Variants in USP34 observed in about 807,000 individuals in gnomAD.
USP34 encodes ubiquitin carboxyl-terminal hydrolase 34.
A neutral mutation model predicts 460.3 loss-of-function variants in USP34; 70 were observed. The ratio of observed to expected loss-of-function variants is 0.15; its 90% CI spans 0.13 to 0.19. The LOEUF is 0.19. USP34 is among the 10% of genes least tolerant of loss of function. The pLI is 1.00. For missense variants in USP34, 3,985 were observed against 4,236.2 expected (o/e 0.94, Z 1.65); for synonymous variants, 1,647 against 1,405.3 (o/e 1.17, Z -3.85).
At chr2:61,465,045 TAAATGTTTTTA>T in intron 1 of USP34, among the ~76,000 whole-genome samples, 1 of 152,308 alleles carries the variant, frequency 6.6e-6, no homozygotes, top group African/African-American at 2.4e-5. Context: ...CCAAGCTTTT[TAAATGTTTTTA>T]AAATGAAGCA....
chr2:61,220,110 T>A lies in USP34; in HGVS notation c.8047+200A>T, dbSNP rs1480631686. ...TCAAGCAAGGAAACAAAAATGATAG[T>A]AGTGATGATGTTACCCAAGAAATAA... is the stretch of plus-strand genomic sequence containing the variant. On this transcript the variant is annotated intron_variant, in intron 67 of 79. Coordinates refer to ENST00000398571, the MANE Select transcript of USP34 (RefSeq NM_014709.4). The A allele has an allele frequency of 7.0e-6, 3 of 426,620 alleles. No homozygotes were observed. In the South Asian group the frequency reaches 1.4e-4, roughly 20 times the overall value. The allele number at this position is 426,620 out of a possible 1,614,324, so 26.4% of individuals were successfully genotyped here.
At position 61,333,654 on chromosome 2, in the gene USP34, G is replaced by A. The variant is rs547539732; in HGVS notation, c.2834+228C>T. ...TCTCCCTAAAATTAGAGTATTAATT[G>A]CTAAAGTACTGTTCTCAAACTCCAA... On this transcript the variant is annotated intron_variant, in intron 19 of 79. Coordinates refer to ENST00000398571, the MANE Select transcript of USP34 (RefSeq NM_014709.4). 1.4e-4 allele frequency among the ~76,000 whole-genome samples: 22 copies of A among 152,060 alleles called. No individual in the cohort carries two copies. The South Asian group carries it at 3.9e-3, about 27-fold the overall frequency.
intron 3 of USP34, among the ~76,000 whole-genome samples, chr2:61,404,663 G>A (rs542687931): frequency 6.6e-6 from 1 of 152,102 alleles, no homozygotes; most frequent in South Asian, 2.1e-4. Context: ...ACACAAGTGC[G>A]ACCCAGACCT....
intron 5 of USP34, among the ~76,000 whole-genome samples, chr2:61,383,604 G>A (rs111327730): frequency 6.6e-6 from 1 of 152,046 alleles, no homozygotes; most frequent in South Asian, 2.1e-4. Flanking sequence ...TTGAGAGGCT[G>A]AGGCAGGAGA....
In USP34 at chr2:61,293,524, C is replaced by T; in HGVS notation, c.4488G>A (p.Gln1496=). Residue 1496 remains glutamine (Q), a synonymous_variant, in exon 33 of 80, where the codon CAG becomes CAA. Coordinates refer to ENST00000398571, the MANE Select transcript of USP34 (RefSeq NM_014709.4). The part of the protein sequence containing the change: ...CKFVAAGGLQ[Q]LLEIFNSGIL... ...TTCCAGAATTAAAAATTTCTAATAA[C>T]TGTTGAAGCCCTCCAGCAGCAACAA... 2 of 1,612,704 alleles carry T rather than the reference C, an allele frequency of 1.2e-6. No homozygotes were observed. The highest frequency in any genetic ancestry group is 2.7e-5 in the African/African-American group (2 of 74,986).
At position 61,206,712 on chromosome 2, in the gene USP34, T is replaced by A. The variant is rs747893953; in HGVS notation, c.9046+48A>T. 3.8e-6 allele frequency: 6 copies of A among 1,597,698 alleles called. No individual in the cohort carries two copies. In the East Asian group the frequency reaches 1.1e-4, roughly 30 times the overall value. ...GCACATGATTTTAAAACCTTCTCTC[T>A]CTTTACTAGTAGCACGAACAAAACA... On this transcript the variant is annotated intron_variant, in intron 71 of 79. Coordinates refer to ENST00000398571, the MANE Select transcript of USP34 (RefSeq NM_014709.4).
intron 44 of USP34, 86 bp downstream of exon 44, chr2:61,259,625 A>G: frequency 8.1e-7 from 1 of 1,234,478 alleles, no homozygotes; most frequent in Non-Finnish European, 1.2e-6. Context: ...AACTCAAGCC[A>G]TCCACCCACC....
intron 48 of USP34, among the ~76,000 whole-genome samples, chr2:61,254,391 A>C (rs560754443): frequency 2.6e-5 from 4 of 152,330 alleles, no homozygotes; most frequent in Non-Finnish European, 5.9e-5. Flanking sequence ...CACACAGATA[A>C]ACCTAAAACT....
At position 61,229,729 on chromosome 2, in the gene USP34, T is replaced by A. The variant is rs956989760; in HGVS notation, c.7114-96A>T. 4 of 1,043,748 alleles carry A rather than the reference T, an allele frequency of 3.8e-6. No individual in the cohort carries two copies. The African/African-American group carries it at 4.8e-5, about 13-fold the overall frequency. The allele number at this position is 1,043,748 out of a possible 1,614,324, so 64.7% of individuals were successfully genotyped here. On this transcript the variant is annotated intron_variant, in intron 58 of 79. Coordinates refer to ENST00000398571, the MANE Select transcript of USP34 (RefSeq NM_014709.4). ...TTCAAAATTCTCTGCCACCCATTTA[T>A]AGTTTGCACAAGATTATCTTGGTAT...
chr2:61,223,420 T>C (rs1209177671), intron 62 of USP34, 124 bp from the exon 63 acceptor site: 5 of 993,528 alleles, frequency 5.0e-6, no homozygotes, highest in Non-Finnish European at 7.3e-6. Context: ...CATAAAATGA[T>C]TTTTTGCTAG....
rs1558554423 is a variant in USP34, at chr2:61,370,306, A to G, written c.1251+15T>C. The G allele has an allele frequency of 6.2e-7, 1 of 1,610,102 alleles. No homozygotes were observed. The highest frequency in any genetic ancestry group is 1.3e-5 in the African/African-American group (1 of 74,810). ...ATAAGCAAAGCACTCAATAAATGTG[A>G]GCTGTTAATATTACCTGTGCTGCAG... is the stretch of plus-strand genomic sequence containing the variant. On this transcript the variant is annotated intron_variant, in intron 10 of 79. Transcript: ENST00000398571.
intron 3 of USP34, among the ~76,000 whole-genome samples, chr2:61,396,913 A>G (rs1024126386): frequency 2.0e-5 from 3 of 152,196 alleles, no homozygotes; most frequent in African/African-American, 7.2e-5. Flanking sequence ...TAAACTGTAT[A>G]CTTTAATCAA....
rs1686771588 is a variant in USP34, at chr2:61,195,428, C to CTT, written c.9509-2450_9509-2449dup. ...GTGGCTCATGCCTGTAACCCCAGCA[C>CTT]TTTGGGAGGCCAAGGCAGGCAGATC... On this transcript the variant is annotated intron_variant, in intron 75 of 79. Coordinates refer to ENST00000398571, the MANE Select transcript of USP34 (RefSeq NM_014709.4). Among the ~76,000 whole-genome samples, 3 of 150,870 alleles carry CTT rather than the reference C, an allele frequency of 2.0e-5. No homozygotes were observed. In the South Asian group the frequency reaches 6.2e-4, roughly 31 times the overall value.
intron 14 of USP34, 113 bp from the exon 15 acceptor site, chr2:61,348,593 T>C: frequency 2.1e-6 from 3 of 1,455,430 alleles, no homozygotes; most frequent in African/African-American, 1.4e-5. Flanking sequence ...TTATACTCCT[T>C]TGAACAATAC....
At chr2:61,238,262 C>G (rs904939025) in intron 53 of USP34, among the ~76,000 whole-genome samples, 1 of 152,176 alleles carries the variant, frequency 6.6e-6, no homozygotes, top group African/African-American at 2.4e-5. Context: ...GAACTTCCAT[C>G]ACAGCCATAC....
chr2:61,238,561 T>G (rs1572861118), intron 53 of USP34, among the ~76,000 whole-genome samples: 1 of 152,222 alleles, frequency 6.6e-6, no homozygotes, highest in Non-Finnish European at 1.5e-5. Context: ...TATGTTATCC[T>G]TTGGGATTAA....
intron 10 of USP34, 100 bp downstream of exon 10, chr2:61,370,221 T>A: frequency 8.1e-7 from 1 of 1,230,084 alleles, no homozygotes; most frequent in South Asian, 1.5e-5. Flanking sequence ...TGTCTTGGTC[T>A]CCTTAGCTAT....
At chr2:61,371,314 T>C (rs1478608578) in intron 8 of USP34, among the ~76,000 whole-genome samples, 1 of 152,176 alleles carries the variant, frequency 6.6e-6, no homozygotes, top group African/African-American at 2.4e-5. Flanking sequence ...ATATAATACT[T>C]AATAAATGAC....
chr2:61,277,875 GAT>G (rs1689417804), intron 41 of USP34: 1 of 301,826 alleles, frequency 3.3e-6, no homozygotes, highest in Admixed American at 4.8e-5. Flanking sequence ...CTTGAGATCT[GAT>G]GGTTTTATAA....
Sources: gnomAD v4.1 joint callset for allele counts (sites outside exome capture counted in the v4.1 genomes callset) on GRCh38, gnomAD v4.1.1 for gene constraint, MANE v1.5 for transcripts, NCBI Gene and HGNC (gene_info 2026-07-23, HGNC 2026-07-21) for gene names.